CSMD1: variants seen among roughly 807,000 people sequenced by gnomAD.
The protein encoded by CSMD1 is CUB and Sushi multiple domains 1.
Under a neutral mutation model 417.5 loss-of-function variants are expected in CSMD1, and 213 were observed. The ratio of observed to expected loss-of-function variants is 0.51; its 90% CI spans 0.46 to 0.57. The LOEUF is 0.57. CSMD1 is among the 20% of genes least tolerant of loss of function. The pLI, the probability that CSMD1 is intolerant of heterozygous loss-of-function variation, is 0.00. For synonymous variants in CSMD1, 2,862 were observed against 1,736.8 expected (o/e 1.65, Z -16.11); for missense variants, 6,923 against 4,529.7 (o/e 1.53, Z -15.17).
rs527964840 is a variant in CSMD1, at chr8:3,108,586, A to G, written c.6754+17T>C. ...TGGAATTCTCAGTCTTAACTAACGG[A>G]GTGAAAATCAACTGACCGTGGAAAT... On this transcript the variant is annotated intron_variant, in intron 44 of 69. Transcript: ENST00000635120. The G allele has an allele frequency of 3.5e-5, 56 of 1,612,906 alleles. No individual in the cohort carries two copies. In the Admixed American group the frequency reaches 4.3e-4, roughly 12 times the overall value.
chr8:3,980,268 C>A (rs1233905919), intron 5 of CSMD1, among the ~76,000 whole-genome samples: 1 of 152,196 alleles, frequency 6.6e-6, no homozygotes, highest in South Asian at 2.1e-4. Flanking sequence ...AAAAGCTGAA[C>A]TAGCATTGTA....
intron 8 of CSMD1, among the ~76,000 whole-genome samples, chr8:3,603,059 AG>A (rs1361878857): frequency 1.3e-5 from 2 of 152,230 alleles, no homozygotes; most frequent in Non-Finnish European, 2.9e-5. Flanking sequence ...AAGCAAGTTT[AG>A]CCACACAAAT....
At chr8:4,233,239 G>A (rs892207367) in intron 3 of CSMD1, among the ~76,000 whole-genome samples, 10 of 152,128 alleles carry the variant, frequency 6.6e-5, no homozygotes, top group African/African-American at 2.4e-4. Flanking sequence ...AGTTAACACT[G>A]TTGTGACAGG....
intron 10 of CSMD1, among the ~76,000 whole-genome samples, chr8:3,531,115 C>T (rs970870778): frequency 6.6e-6 from 1 of 152,022 alleles, no homozygotes; most frequent in African/African-American, 2.4e-5. Context: ...CCCACCTAGG[C>T]CTCCCAAAGT....
chr8:4,880,463 G>A lies in CSMD1; in HGVS notation c.85+113869C>T, dbSNP rs138678551. The stretch of plus-strand genomic sequence containing the variant: ...GACTCGGTGATGTCTGAGAAGAGAG[G>A]AATTTCCTGTGCTGTTGTGTAGCCC... On this transcript the variant is annotated intron_variant, in intron 1 of 69. Transcript: ENST00000635120. 1.2e-3 allele frequency among the ~76,000 whole-genome samples: 176 copies of A among 152,126 alleles called. 1 individual carries two copies. Among genetic ancestry groups the A allele is most frequent in the African/African-American group, 4.1e-3 (169 of 41,438 alleles).
chr8:4,244,776 A>T (rs754369217), intron 3 of CSMD1, among the ~76,000 whole-genome samples: 1 of 152,172 alleles, frequency 6.6e-6, no homozygotes, highest in African/African-American at 2.4e-5. Flanking sequence ...AGAAAAAGAG[A>T]AGGGATATTT....
At chr8:3,167,953 A>G (rs911864036) in intron 37 of CSMD1, among the ~76,000 whole-genome samples, 2 of 152,230 alleles carry the variant, frequency 1.3e-5, no homozygotes, top group East Asian at 3.8e-4. Flanking sequence ...AAAACAGGAC[A>G]AATGGGACTT....
At chr8:3,641,086 C>G (rs1163842185) in intron 7 of CSMD1, among the ~76,000 whole-genome samples, 1 of 121,238 alleles carries the variant, frequency 8.2e-6, no homozygotes, top group East Asian at 2.6e-4. Flanking sequence ...ATTCAGGACT[C>G]TGAGAAAGCC....
At chr8:4,116,838 C>A (rs1376636019) in intron 3 of CSMD1, among the ~76,000 whole-genome samples, 2 of 150,370 alleles carry the variant, frequency 1.3e-5, no homozygotes, top group African/African-American at 4.9e-5. Context: ...TAAAAAAAAA[C>A]AAAAAGCACC....
intron 5 of CSMD1, among the ~76,000 whole-genome samples, chr8:3,993,624 T>A (rs1029083542): frequency 6.6e-6 from 1 of 152,194 alleles, no homozygotes; most frequent in Non-Finnish European, 1.5e-5. Flanking sequence ...ATACACCAGA[T>A]AGGCAAAAGG....
At chr8:4,306,092 G>C (rs1045216883) in intron 3 of CSMD1, among the ~76,000 whole-genome samples, 2 of 152,122 alleles carry the variant, frequency 1.3e-5, no homozygotes, top group African/African-American at 2.4e-5. Flanking sequence ...ATGTTATAAT[G>C]AATCTTCTTT....
At chr8:3,781,642 G>C (rs964438463) in intron 5 of CSMD1, among the ~76,000 whole-genome samples, 10 of 152,174 alleles carry the variant, frequency 6.6e-5, no homozygotes, top group African/African-American at 2.4e-4. Context: ...GTTGATGATT[G>C]TCCCTGTGAT....
intron 11 of CSMD1, among the ~76,000 whole-genome samples, chr8:3,472,923 T>C (rs1817187822): frequency 6.6e-6 from 1 of 152,106 alleles, no homozygotes; most frequent in Admixed American, 6.6e-5. Context: ...TTTGATGTTT[T>C]TCACACCACT....
chr8:4,130,097 G>C (rs1803005910), intron 3 of CSMD1, among the ~76,000 whole-genome samples: 1 of 151,950 alleles, frequency 6.6e-6, no homozygotes, highest in Non-Finnish European at 1.5e-5. Flanking sequence ...GGAGGGCTAG[G>C]GCTGCTCCAT....
chr8:4,587,280 G>A (rs1403580180), intron 2 of CSMD1, among the ~76,000 whole-genome samples: 1 of 152,076 alleles, frequency 6.6e-6, no homozygotes, highest in Non-Finnish European at 1.5e-5. Flanking sequence ...TGCATAGTTT[G>A]AAGAGCTTAA....
At chr8:4,145,617 C>T (rs528720552) in intron 3 of CSMD1, among the ~76,000 whole-genome samples, 5 of 150,826 alleles carry the variant, frequency 3.3e-5, no homozygotes, top group Non-Finnish European at 7.4e-5. Flanking sequence ...TCAAAGTCCT[C>T]GGCTCAAGCG....
intron 3 of CSMD1, among the ~76,000 whole-genome samples, chr8:4,059,295 G>A (rs1044948136): frequency 8.1e-5 from 12 of 148,330 alleles, no homozygotes; most frequent in African/African-American, 2.2e-4. Flanking sequence ...TCAAAACACT[G>A]TGTAGAGTGA....
intron 7 of CSMD1, among the ~76,000 whole-genome samples, chr8:3,622,132 G>A (rs573338276): frequency 1.3e-5 from 2 of 152,066 alleles, no homozygotes; most frequent in South Asian, 4.1e-4. Flanking sequence ...GTAAGCAGTG[G>A]TCTACTACTA....
chr8:4,985,448 C>T (rs17071982), intron 1 of CSMD1, among the ~76,000 whole-genome samples: 9,804 of 152,224 alleles, frequency 0.064, 364 homozygotes, highest in African/African-American at 0.084. Context: ...CTGAGTGATT[C>T]TGTTTGGCAC....
Sources: gnomAD v4.1 joint callset for allele counts (sites outside exome capture counted in the v4.1 genomes callset) on GRCh38, gnomAD v4.1.1 for gene constraint, MANE v1.5 for transcripts, NCBI Gene and HGNC (gene_info 2026-07-23, HGNC 2026-07-21) for gene names.